GRID1: variants seen among roughly 807,000 people sequenced by gnomAD.
GRID1 encodes glutamate ionotropic receptor delta type subunit 1.
In GRID1, 28 loss-of-function variants were observed where a neutral mutation model predicts 98.0. That is an observed-to-expected ratio of 0.29 (90% CI 0.21 to 0.39). The LOEUF is 0.39. Among genes scored for constraint, GRID1 ranks in the 10% least tolerant of loss-of-function variants. GRID1 has a pLI of 1.00. For missense variants in GRID1, 1,111 were observed against 1,340.5 expected (o/e 0.83, Z 2.67); for synonymous variants, 553 against 538.5 (o/e 1.03, Z -0.37).
chr10:86,099,961 A>C (rs1844272648), intron 4 of GRID1, among the ~76,000 whole-genome samples: 1 of 152,144 alleles, frequency 6.6e-6, no homozygotes, highest in South Asian at 2.1e-4. Context: ...TAATATCATC[A>C]GTTATTTTGA....
At chr10:85,960,523 T>C (rs1242425181) in intron 4 of GRID1, among the ~76,000 whole-genome samples, 1 of 152,188 alleles carries the variant, frequency 6.6e-6, no homozygotes, top group Non-Finnish European at 1.5e-5. Flanking sequence ...CCCTCTGCAT[T>C]TGCTGTGGGC....
chr10:85,881,118 A>G (rs541298306), intron 5 of GRID1, among the ~76,000 whole-genome samples: 7 of 152,344 alleles, frequency 4.6e-5, no homozygotes, highest in African/African-American at 1.7e-4. Flanking sequence ...TCAATGAAAT[A>G]AAAGAGGATA....
At chr10:86,237,510 C>A (rs563978878) in intron 2 of GRID1, among the ~76,000 whole-genome samples, 3 of 152,252 alleles carry the variant, frequency 2.0e-5, no homozygotes, top group Admixed American at 1.3e-4. Flanking sequence ...ACCAGCCTGG[C>A]TAACACAGTG....
At chr10:86,236,661 A>G (rs985328508) in intron 2 of GRID1, among the ~76,000 whole-genome samples, 1 of 152,228 alleles carries the variant, frequency 6.6e-6, no homozygotes, top group Admixed American at 6.5e-5. Context: ...AAAGTGCAAT[A>G]TCAGCAGGCA....
intron 4 of GRID1, among the ~76,000 whole-genome samples, chr10:85,934,398 A>C (rs1283487018): frequency 6.8e-6 from 1 of 147,452 alleles, no homozygotes; most frequent in East Asian, 2.1e-4. Context: ...GAAGAACCCT[A>C]AGCTGCAGAG....
At chr10:86,178,587 GA>G (rs1449301840) in intron 3 of GRID1, among the ~76,000 whole-genome samples, 1 of 152,210 alleles carries the variant, frequency 6.6e-6, no homozygotes, top group Non-Finnish European at 1.5e-5. Context: ...GCCACCTCCA[GA>G]TGACCAGCAG....
chr10:86,193,211 C>T (rs950908534), intron 3 of GRID1, among the ~76,000 whole-genome samples: 18 of 151,970 alleles, frequency 1.2e-4, no homozygotes, highest in African/African-American at 3.6e-4. Flanking sequence ...AGATCTGAAT[C>T]GCCACCTGCA....
chr10:85,943,502 A>G (rs1165936418), intron 4 of GRID1, among the ~76,000 whole-genome samples: 1 of 152,218 alleles, frequency 6.6e-6, no homozygotes, highest in Non-Finnish European at 1.5e-5. Flanking sequence ...AAGCAAAAAG[A>G]TAAATGAAAG....
intron 4 of GRID1, among the ~76,000 whole-genome samples, chr10:86,035,586 GA>G (rs1165447592): frequency 6.6e-6 from 1 of 152,124 alleles, no homozygotes; most frequent in Non-Finnish European, 1.5e-5. Context: ...GCAGGTCTAT[GA>G]AGGGTTCCCA....
chr10:86,205,110 C>T (rs544643974), intron 3 of GRID1, among the ~76,000 whole-genome samples: 10 of 152,342 alleles, frequency 6.6e-5, no homozygotes, highest in African/African-American at 2.2e-4. Flanking sequence ...TCAATTCTTC[C>T]TGGAAGACTC....
At chr10:86,254,065 C>A (rs778402874) in intron 2 of GRID1, among the ~76,000 whole-genome samples, 1 of 152,198 alleles carries the variant, frequency 6.6e-6, no homozygotes, top group Non-Finnish European at 1.5e-5. Flanking sequence ...GACCTACAGC[C>A]AACAGCTTTC....
Position 85,865,942 on chromosome 10 carries a change from T to TAC in GRID1, c.951+3066_951+3067dup, listed in dbSNP as rs1554836198. On this transcript the variant is annotated intron_variant, in intron 6 of 15. Coordinates refer to ENST00000327946, the MANE Select transcript of GRID1 (RefSeq NM_017551.3). ...ATATATATATATATATATATATATATACACATATATATGGAGAGAGAGAGA... is the reference window on the plus strand; with the variant it reads ...ATATATATATATATATATATATATATACACACATATATATGGAGAGAGAGAGA... Among the ~76,000 whole-genome samples, 224 of 94,878 alleles carry TAC rather than the reference T, an allele frequency of 2.4e-3. 6 individuals carry two copies. Among genetic ancestry groups the TAC allele is most frequent in the African/African-American group, 7.9e-3 (198 of 25,038 alleles). The allele number at this position is 94,878 out of a possible 152,430, so 62.2% of individuals were successfully genotyped here.
intron 9 of GRID1, among the ~76,000 whole-genome samples, chr10:85,728,863 G>T (rs1841791449): frequency 6.6e-6 from 1 of 152,200 alleles, no homozygotes. Context: ...TAAGCCAAGG[G>T]AATGCTAGTG....
At position 85,708,131 on chromosome 10, in the gene GRID1, A is replaced by G. The variant is rs1412160822; in HGVS notation, c.1997+14872T>C. 7.3e-4 allele frequency among the ~76,000 whole-genome samples: 73 copies of G among 100,688 alleles called. 1 individual carries two copies. Among genetic ancestry groups the G allele is most frequent in the Admixed American group, 3.3e-3 (30 of 9,040 alleles). 66.1% of individuals were successfully genotyped at this position (100,688 alleles called of 152,430 possible). ...AGTATAATAAAAAAAAAAAAAAAAA[A>G]CACAAGATTAGCCTATAATCCCCAG... On this transcript the variant is annotated intron_variant, in intron 12 of 15. Coordinates refer to ENST00000327946, the MANE Select transcript of GRID1 (RefSeq NM_017551.3).
chr10:86,272,168 C>A (rs909323702), intron 2 of GRID1, among the ~76,000 whole-genome samples: 4 of 151,852 alleles, frequency 2.6e-5, no homozygotes, highest in African/African-American at 9.7e-5. Flanking sequence ...GATTTTTATA[C>A]CATGAAAAAA....
intron 8 of GRID1, among the ~76,000 whole-genome samples, chr10:85,771,020 T>A (rs1163385821): frequency 6.6e-6 from 1 of 152,024 alleles, no homozygotes; most frequent in Non-Finnish European, 1.5e-5. Context: ...CACATAATTG[T>A]CAGATTCACC....
intron 2 of GRID1, among the ~76,000 whole-genome samples, chr10:86,236,447 C>T (rs893152565): frequency 2.0e-5 from 3 of 152,158 alleles, no homozygotes; most frequent in Admixed American, 6.5e-5. Flanking sequence ...CATTGAAAAA[C>T]GGAGCCACCA....
intron 12 of GRID1, among the ~76,000 whole-genome samples, chr10:85,713,825 C>T (rs568983954): frequency 2.5e-4 from 38 of 151,756 alleles, no homozygotes; most frequent in African/African-American, 8.9e-4. Flanking sequence ...AAATTTTCAG[C>T]AAATTAAGAC....
intron 4 of GRID1, among the ~76,000 whole-genome samples, chr10:86,102,401 C>G (rs1014691013): frequency 2.6e-5 from 4 of 152,200 alleles, no homozygotes; most frequent in African/African-American, 7.2e-5. Flanking sequence ...GCAAAGACAG[C>G]ATCAAGATGT....
Sources: gnomAD v4.1 joint callset for allele counts (sites outside exome capture counted in the v4.1 genomes callset) on GRCh38, gnomAD v4.1.1 for gene constraint, MANE v1.5 for transcripts, NCBI Gene and HGNC (gene_info 2026-07-23, HGNC 2026-07-21) for gene names.